The following RPRD1A variants were observed in gnomAD, a reference collection of about 807,000 sequenced individuals.
RPRD1A encodes the protein regulation of nuclear pre-mRNA domain-containing protein 1A.
RPRD1A carries 9 observed loss-of-function variants against 37.8 expected under a neutral mutation model. The observed-to-expected ratio is 0.24, with a 90% confidence interval of 0.14 to 0.42. The LOEUF (loss-of-function observed/expected upper bound fraction) is 0.42. Among genes scored for constraint, RPRD1A ranks in the 10% least tolerant of loss-of-function variants. RPRD1A has a pLI of 1.00. For synonymous variants in RPRD1A, 138 were observed against 139.7 expected (o/e 0.99, Z 0.08); for missense variants, 255 against 371.0 (o/e 0.69, Z 2.57).
At position 36,057,130 on chromosome 18, in the gene RPRD1A, T is replaced by G. The variant is rs190050635; in HGVS notation, c.151+10124A>C. 5.0e-4 allele frequency among the ~76,000 whole-genome samples: 74 copies of G among 148,694 alleles called. 1 individual carries two copies. Among genetic ancestry groups the G allele is most frequent in the South Asian group, 4.9e-3 (23 of 4,706 alleles). The stretch of plus-strand genomic sequence containing the variant: ...CTGTGGTCCTAGCTACTCAGGAGGA[T>G]TGATTGAGCCTGGGAGGTTGGGGCT... On this transcript the variant is annotated intron_variant, in intron 1 of 6. Coordinates refer to ENST00000399022, the MANE Select transcript of RPRD1A (RefSeq NM_018170.5).
intron 6 of RPRD1A, among the ~76,000 whole-genome samples, chr18:36,014,844 G>A: frequency 6.6e-6 from 1 of 152,088 alleles, no homozygotes; most frequent in Admixed American, 6.6e-5. Flanking sequence ...TGAAAAAGGT[G>A]TTCAATATCA....
intron 1 of RPRD1A, among the ~76,000 whole-genome samples, chr18:36,048,800 A>T (rs1468969035): frequency 6.6e-6 from 1 of 152,202 alleles, no homozygotes; most frequent in East Asian, 1.9e-4. Flanking sequence ...CAAGAAAAGG[A>T]AATAAAATAG....
At chr18:36,046,593 G>A (rs1429758718) in intron 1 of RPRD1A, among the ~76,000 whole-genome samples, 1 of 152,006 alleles carries the variant, frequency 6.6e-6, no homozygotes, top group East Asian at 1.9e-4. Context: ...ACTATACGGA[G>A]GCCGGGGTGG....
At chr18:36,065,530 TTTG>T (rs1192171356) in intron 1 of RPRD1A, among the ~76,000 whole-genome samples, 1 of 152,210 alleles carries the variant, frequency 6.6e-6, no homozygotes, top group African/African-American at 2.4e-5. Context: ...TGTTTTCAAT[TTTG>T]TTATTATGAA....
chr18:36,022,548 C>T (rs1911064972), intron 6 of RPRD1A, among the ~76,000 whole-genome samples: 1 of 152,128 alleles, frequency 6.6e-6, no homozygotes, highest in African/African-American at 2.4e-5. Context: ...TTCTAGAGTC[C>T]TTAAGAATTA....
chr18:36,065,185 C>T (rs1023770100), intron 1 of RPRD1A, among the ~76,000 whole-genome samples: 1 of 152,218 alleles, frequency 6.6e-6, no homozygotes, highest in Non-Finnish European at 1.5e-5. Flanking sequence ...ACTATGACAA[C>T]CACTATCTTG....
rs1156933838 is a variant in RPRD1A at position 36,048,063 on chromosome 18, C to CTT, written c.152-14228_152-14227dup. On this transcript the variant is annotated intron_variant, in intron 1 of 6. Transcript: ENST00000399022. The stretch of plus-strand genomic sequence containing the variant: ...TTCATTAATACAGATGTACCCATTC[C>CTT]TTTTTTTTTTTTTTTTTTTTTTGAG... Among the ~76,000 whole-genome samples, 418 of 114,392 alleles carry CTT rather than the reference C, an allele frequency of 3.7e-3. 1 individual carries two copies. Among genetic ancestry groups the CTT allele is most frequent in the Middle Eastern group, 9.9e-3 (2 of 202 alleles). 75.0% of individuals were successfully genotyped at this position (114,392 alleles called of 152,430 possible).
At chr18:36,007,369 A>G (rs1361200407) in intron 6 of RPRD1A, among the ~76,000 whole-genome samples, 2 of 152,180 alleles carry the variant, frequency 1.3e-5, no homozygotes, top group African/African-American at 4.8e-5. Context: ...ACAAGGATAG[A>G]TATCAGACAT....
intron 1 of RPRD1A, among the ~76,000 whole-genome samples, chr18:36,037,842 C>T (rs553562115): frequency 4.6e-5 from 7 of 152,262 alleles, no homozygotes; most frequent in Non-Finnish European, 7.3e-5. Context: ...AGCAACAAGA[C>T]GGGCAGCATT....
chr18:36,049,079 T>G (rs1913179583), intron 1 of RPRD1A, among the ~76,000 whole-genome samples: 1 of 152,196 alleles, frequency 6.6e-6, no homozygotes, highest in Non-Finnish European at 1.5e-5. Context: ...TTTTTGTATT[T>G]TTAGTAGAGA....
chr18:36,004,422 T>C (rs1351894877), intron 6 of RPRD1A, among the ~76,000 whole-genome samples: 1 of 152,020 alleles, frequency 6.6e-6, no homozygotes, highest in Admixed American at 6.6e-5. Context: ...ACCCAACTAA[T>C]TTTTGTATTT....
chr18:36,022,505 T>C lies in RPRD1A; in HGVS notation c.789+4395A>G, dbSNP rs57786683. ...AGCTAAAGTAGCTGACGACTTTAAG[T>C]AGAGGCCAATGTTCATTTACCATTC... On this transcript the variant is annotated intron_variant, in intron 6 of 6. Coordinates refer to ENST00000399022, the MANE Select transcript of RPRD1A (RefSeq NM_018170.5). Among the ~76,000 whole-genome samples the C allele has an allele frequency of 8.2e-3, 1,253 of 152,312 alleles. 24 individuals are homozygous for C. The highest frequency in any genetic ancestry group is 0.029 in the African/African-American group (1,189 of 41,548).
At chr18:36,019,264 C>A (rs557030683) in intron 6 of RPRD1A, among the ~76,000 whole-genome samples, 11 of 152,024 alleles carry the variant, frequency 7.2e-5, no homozygotes, top group African/African-American at 2.4e-5. Context: ...CCCACCACCA[C>A]GCCTGGCTAA....
At chr18:36,037,385 T>C (rs1912268836) in intron 1 of RPRD1A, among the ~76,000 whole-genome samples, 1 of 152,230 alleles carries the variant, frequency 6.6e-6, no homozygotes, top group African/African-American at 2.4e-5. Flanking sequence ...TCTGTACTTC[T>C]TCCTGCCACC....
chr18:36,019,926 G>C (rs1219515214), intron 6 of RPRD1A, among the ~76,000 whole-genome samples: 2 of 152,154 alleles, frequency 1.3e-5, no homozygotes. Flanking sequence ...TGTAATCCCA[G>C]CTACTCAGGA....
chr18:36,022,438 C>T (rs1361788370), intron 6 of RPRD1A, among the ~76,000 whole-genome samples: 3 of 152,144 alleles, frequency 2.0e-5, no homozygotes, highest in Non-Finnish European at 4.4e-5. Flanking sequence ...GAAATAAATG[C>T]CTGCCTTCAA....
chr18:36,002,185 C>T (rs1909463521), intron 6 of RPRD1A, among the ~76,000 whole-genome samples: 1 of 152,134 alleles, frequency 6.6e-6, no homozygotes, highest in South Asian at 2.1e-4. Flanking sequence ...GCTATTTTTA[C>T]CTCAAATATT....
At chr18:36,033,283 G>A (rs1246008804) in intron 2 of RPRD1A, among the ~76,000 whole-genome samples, 1 of 111,516 alleles carries the variant, frequency 9.0e-6, no homozygotes, top group Non-Finnish European at 1.7e-5. Context: ...GCCTGGGTGA[G>A]AGTGAGACTC....
chr18:35,998,038 T>C (rs1411248775), intron 6 of RPRD1A, among the ~76,000 whole-genome samples: 1 of 152,344 alleles, frequency 6.6e-6, no homozygotes, highest in East Asian at 1.9e-4. Flanking sequence ...GTTGTGCTCA[T>C]TTTCGTTTTG....
Sources: gnomAD v4.1 joint callset for allele counts (sites outside exome capture counted in the v4.1 genomes callset) on GRCh38, gnomAD v4.1.1 for gene constraint, MANE v1.5 for transcripts, NCBI Gene and HGNC (gene_info 2026-07-23, HGNC 2026-07-21) for gene names.